Variants in GPI observed in about 807,000 individuals in gnomAD.
GPI encodes D-hexose-6-phosphate anomerase.
Under a neutral mutation model 75.8 loss-of-function variants are expected in GPI, and 56 were observed. The observed-to-expected ratio is 0.74, with a 90% CI of 0.60 to 0.92. The LOEUF is 0.92. GPI is among the 40% of genes least tolerant of loss of function. The pLI is 0.00. For synonymous variants in GPI, 288 were observed against 285.4 expected (o/e 1.01, Z -0.09); for missense variants, 638 against 741.0 (o/e 0.86, Z 1.61).
intron 4 of GPI, among the ~76,000 whole-genome samples, chr19:34,370,660 G>A (rs946691102): frequency 6.6e-6 from 1 of 152,206 alleles, no homozygotes; most frequent in East Asian, 1.9e-4. Flanking sequence ...GGGAGGCAGA[G>A]GTTGCAGTGA....
rs8191374 is a variant in GPI at position 34,378,430 on chromosome 19, G to C, written c.634-504G>C. ...GGCTTTTGCCATGTTGGCCATGCTG[G>C]TCTTGAACTCCTGACCTCAGGTGAT... is the stretch of plus-strand genomic sequence containing the variant. On this transcript the variant is annotated intron_variant, in intron 6 of 17. Transcript: ENST00000356487. 2.9e-3 allele frequency among the ~76,000 whole-genome samples: 438 copies of C among 152,118 alleles called. 2 individuals are homozygous for C. The highest frequency in any genetic ancestry group is 4.3e-3 in the Non-Finnish European group (291 of 68,006).
At chr19:34,367,754 G>A (rs368084072) in intron 3 of GPI, among the ~76,000 whole-genome samples, 1 of 152,200 alleles carries the variant, frequency 6.6e-6, no homozygotes, top group African/African-American at 2.4e-5. Context: ...GTTCCTGGCA[G>A]TTGGTAGTTA....
chr19:34,360,177 C>A (rs980106015), upstream of GPI, among the ~76,000 whole-genome samples: 2 of 152,116 alleles, frequency 1.3e-5, no homozygotes, highest in African/African-American at 4.8e-5. Context: ...GGGGGCATGA[C>A]CCCTCCCAGC....
chr19:34,365,951 T>C (rs950747067), intron 1 of GPI: 1 of 497,890 alleles, frequency 2.0e-6, no homozygotes, highest in African/African-American at 1.9e-5. Context: ...GGAGCTCTGA[T>C]CACTGATACT....
intron 9 of GPI, among the ~76,000 whole-genome samples, chr19:34,389,317 T>A (rs2074787256): frequency 6.6e-6 from 1 of 152,098 alleles, no homozygotes. Flanking sequence ...CCAGTCCATC[T>A]CCGGGGCTTC....
chr19:34,376,239 C>T (rs999478832), intron 4 of GPI, among the ~76,000 whole-genome samples: 3 of 152,054 alleles, frequency 2.0e-5, no homozygotes, highest in African/African-American at 7.2e-5. Context: ...GGCTGGGCAA[C>T]GTAGCAAGAC....
chr19:34,393,246 A>C lies in GPI; in HGVS notation c.805-2A>C. ...CTCAGCACCTTGTCCTGTCTCTCCT[A>C]GTGGGTGGGAGGACGCTACTCGCTG... On this transcript the variant is annotated splice_acceptor_variant, in intron 9 of 17. Coordinates refer to ENST00000356487, the MANE Select transcript of GPI (RefSeq NM_000175.5). LOFTEE classifies it high-confidence loss of function. This position sits in a 1 kb window ranked among gnomAD's most constrained non-coding sequence, Gnocchi z 4.4. The C allele has an allele frequency of 1.2e-6, 2 of 1,609,162 alleles. No individual in the cohort carries two copies. The highest frequency in any genetic ancestry group is 1.7e-6 in the Non-Finnish European group (2 of 1,176,082).
chr19:34,378,900 C>T, intron 6 of GPI, 34 bp from the exon 7 acceptor site: 3 of 1,575,092 alleles, frequency 1.9e-6, no homozygotes, highest in Non-Finnish European at 2.6e-6. Flanking sequence ...CACCCCTAAG[C>T]TCGGGCGCCC....
rs781622418 is a variant in GPI, at chr19:34,377,756, G to A, written c.508G>A (p.Ala170Thr). Residue 170 changes from alanine (A) to threonine (T), a missense_variant, in exon 6 of 18, where the codon GCC (alanine) becomes ACC (threonine). By Grantham distance (58) the Ala-to-Thr change is moderately conservative (BLOSUM62 0). Coordinates refer to ENST00000356487, the MANE Select transcript of GPI (RefSeq NM_000175.5). ...SDLGPLMVTE[A>T]LKPYSSGGPR... The stretch of plus-strand genomic sequence containing the variant: ...GCAGGGACCCCTCATGGTGACTGAA[G>A]CCCTTAAGCCATACTCTTCAGGAGG... 6.2e-7 allele frequency: 1 copy of A among 1,613,900 alleles called. No individual in the cohort carries two copies. The highest frequency in any genetic ancestry group is 1.3e-5 in the African/African-American group (1 of 74,888).
chr19:34,383,031 A>G (rs564494770), intron 9 of GPI, among the ~76,000 whole-genome samples: 2 of 152,258 alleles, frequency 1.3e-5, no homozygotes, highest in East Asian at 3.9e-4. Context: ...AGGCCTAGGG[A>G]TGCAGTGCCG....
chr19:34,365,025 G>T (rs1052498132), upstream of GPI: 16 of 1,527,280 alleles, frequency 1.0e-5, no homozygotes, highest in African/African-American at 2.2e-4. Context: ...AAGAGGTAGG[G>T]AGAGAGGAGC....
intron 9 of GPI, among the ~76,000 whole-genome samples, chr19:34,384,908 T>A (rs1462220136): frequency 1.3e-5 from 2 of 151,506 alleles, no homozygotes; most frequent in African/African-American, 4.9e-5. Context: ...CCAGGCATGG[T>A]GGTGCATGCC....
rs150146716 is a variant in GPI at position 34,399,022 on chromosome 19, A to G, written c.1270-185A>G. The G allele has an allele frequency of 7.2e-4, 389 of 539,658 alleles. 2 individuals are homozygous for G. The highest frequency in any genetic ancestry group is 6.9e-3 in the African/African-American group (360 of 52,406). The allele number at this position is 539,658 out of a possible 1,614,324, so 33.4% of individuals were successfully genotyped here. ...GCCTGGCCACTGGTGTGTAGTTCTTAAAGAGCAGTTATCACTGTTCCCTGC... is the reference window on the plus strand; with the variant it reads ...GCCTGGCCACTGGTGTGTAGTTCTTGAAGAGCAGTTATCACTGTTCCCTGC... On this transcript the variant is annotated intron_variant, in intron 14 of 17. Transcript: ENST00000356487.
intron 4 of GPI, 85 bp downstream of exon 4, chr19:34,368,787 C>A: frequency 4.7e-6 from 7 of 1,503,364 alleles, no homozygotes; most frequent in Non-Finnish European, 6.5e-6. Flanking sequence ...CAGCTCTTCC[C>A]TCTTCTTGTA....
In GPI at chr19:34,396,263, T is replaced by A. The variant is rs762758906; in HGVS notation, c.1063-38T>A. The A allele has an allele frequency of 5.6e-6, 9 of 1,612,648 alleles. No individual in the cohort carries two copies. The South Asian group carries it at 8.8e-5, about 16-fold the overall frequency. ...TCTTTCTTTCTTTTTAAATGTTCTT[T>A]CATTTTGCCAAGAACTGGGTTTCTG... On this transcript the variant is annotated intron_variant, in intron 12 of 17. Coordinates refer to ENST00000356487, the MANE Select transcript of GPI (RefSeq NM_000175.5).
At position 34,381,513 on chromosome 19, in the gene GPI, C is replaced by A; in HGVS notation, c.798C>A (p.Phe266Leu). Residue 266 changes from phenylalanine (F) to leucine (L), a missense_variant, in exon 9 of 18, where the codon TTC (phenylalanine) becomes TTA (leucine). Phe to Leu is a conservative substitution (Grantham distance 22). Coordinates refer to ENST00000356487, the MANE Select transcript of GPI (RefSeq NM_000175.5). ...TTGACCCTCAAAACATGTTCGAGTT[C>A]TGGGATGTAAGTACAAGCACTTCTG... ...FGIDPQNMFE[F>L]WDWVGGRYSL... The A allele has an allele frequency of 1.2e-6, 2 of 1,603,100 alleles. No homozygotes were observed. Among genetic ancestry groups the A allele is most frequent in the Non-Finnish European group, 1.7e-6 (2 of 1,170,284 alleles).
rs146687370 is a variant in GPI, at chr19:34,374,278, C to T, written c.403-3225C>T. Among the ~76,000 whole-genome samples the T allele has an allele frequency of 3.3e-4, 50 of 152,026 alleles. 1 individual carries two copies. Among genetic ancestry groups the T allele is most frequent in the African/African-American group, 9.9e-4 (41 of 41,448 alleles). On this transcript the variant is annotated intron_variant, in intron 4 of 17. Coordinates refer to ENST00000356487, the MANE Select transcript of GPI (RefSeq NM_000175.5). The stretch of plus-strand genomic sequence containing the variant: ...GGATTACAGGGTGAACCACCACGCC[C>T]GGCTACACTCTTTGATTTCTATAAT...
chr19:34,378,251 T>C (rs1360891920), intron 6 of GPI, among the ~76,000 whole-genome samples: 5 of 152,192 alleles, frequency 3.3e-5, no homozygotes. Flanking sequence ...TGGAGTGTAG[T>C]GGCGTGATCT....
chr19:34,380,697 G>GT (rs1206961470), intron 8 of GPI: 1 of 156,618 alleles, frequency 6.4e-6, no homozygotes, highest in Non-Finnish European at 1.4e-5. Flanking sequence ...GCATGACAGA[G>GT]TGAGGGATGC....
Sources: allele counts gnomAD v4.1 joint callset (sites outside exome capture counted in the v4.1 genomes callset), GRCh38; gene constraint gnomAD v4.1.1; non-coding constraint Gnocchi (gnomAD v3.1); transcripts MANE v1.5; gene names NCBI Gene and HGNC (gene_info 2026-07-23, HGNC 2026-07-21).